The following HNRNPC variants were observed in gnomAD, a reference collection of about 807,000 sequenced individuals.
HNRNPC encodes heterogeneous nuclear ribonucleoproteins C1/C2.
A neutral mutation model predicts 33.2 loss-of-function variants in HNRNPC; 3 were observed. The observed-to-expected ratio is 0.09, with a 90% CI of 0.04 to 0.23. The LOEUF is 0.23. HNRNPC is among the 10% of genes least tolerant of loss of function. HNRNPC has a pLI of 1.00. For missense variants in HNRNPC, 143 were observed against 366.7 expected (o/e 0.39, Z 4.98); for synonymous variants, 121 against 126.7 (o/e 0.96, Z 0.30).
chr14:21,258,628 AAC>A (rs1877641099), intron 2 of HNRNPC, among the ~76,000 whole-genome samples: 5 of 152,332 alleles, frequency 3.3e-5, no homozygotes, highest in East Asian at 3.9e-4. Context: ...TCACAACTTT[AAC>A]AGTGTTGGAC....
At chr14:21,217,166 GA>G (rs1892279442) in intron 5 of HNRNPC, among the ~76,000 whole-genome samples, 1 of 152,204 alleles carries the variant, frequency 6.6e-6, no homozygotes, top group Non-Finnish European at 1.5e-5. Context: ...ATTCACATCT[GA>G]GGAAGTAGTC....
At chr14:21,253,173 TAAAAAA>T (rs544647664) in intron 2 of HNRNPC, among the ~76,000 whole-genome samples, 2 of 118,786 alleles carry the variant, frequency 1.7e-5, no homozygotes, top group African/African-American at 3.1e-5. Context: ...ACTCTGTCTT[TAAAAAA>T]AAAAAAAAAA....
At chr14:21,258,656 G>C (rs960593093) in intron 2 of HNRNPC, among the ~76,000 whole-genome samples, 2 of 152,130 alleles carry the variant, frequency 1.3e-5, no homozygotes, top group African/African-American at 4.8e-5. Flanking sequence ...CAAGTGTTTA[G>C]AATACTTCCA....
intron 2 of HNRNPC, among the ~76,000 whole-genome samples, chr14:21,245,536 A>G (rs1895887682): frequency 6.6e-6 from 1 of 151,736 alleles, no homozygotes; most frequent in African/African-American, 2.4e-5. Flanking sequence ...ATACCTATAT[A>G]AAGCACTTAC....
chr14:21,229,731 T>C (rs183612316), intron 5 of HNRNPC, among the ~76,000 whole-genome samples: 87 of 152,346 alleles, frequency 5.7e-4, no homozygotes, highest in Non-Finnish European at 1.1e-3. Context: ...CAGACTGAAT[T>C]GTTATATACA....
chr14:21,230,466 G>T, intron 4 of HNRNPC, 100 bp from the exon 5 acceptor site: 1 of 780,000 alleles, frequency 1.3e-6, no homozygotes, highest in Non-Finnish European at 2.2e-6. Context: ...ACAACAAATA[G>T]ATCAACAAGA....
chr14:21,252,147 A>G lies in HNRNPC; in HGVS notation c.-37+11164T>C, dbSNP rs529591136. ...TAAGAAAATTTCAAAACCTACCTTT[A>G]GTAAACAACACTTCCAAAATTCCAT... On this transcript the variant is annotated intron_variant, in intron 2 of 8. Transcript: ENST00000553300. Among the ~76,000 whole-genome samples, 4 of 152,346 alleles carry G rather than the reference A, an allele frequency of 2.6e-5. No homozygotes were observed. The South Asian group carries it at 8.3e-4, about 32-fold the overall frequency.
chr14:21,240,184 T>C (rs1895185652), intron 2 of HNRNPC, among the ~76,000 whole-genome samples: 2 of 152,070 alleles, frequency 1.3e-5, no homozygotes, highest in Admixed American at 1.3e-4. Flanking sequence ...GGACAAGAAA[T>C]TTCCTGAATA....
chr14:21,263,517 T>G (rs1261312655), intron 1 of HNRNPC, 181 bp from the exon 2 acceptor site: 1 of 152,022 alleles, frequency 6.6e-6, no homozygotes, highest in East Asian at 1.9e-4. Flanking sequence ...ATCTTAAAAA[T>G]ACACGAGGAA....
At chr14:21,262,088 T>G (rs1878341424) in intron 2 of HNRNPC, among the ~76,000 whole-genome samples, 1 of 152,230 alleles carries the variant, frequency 6.6e-6, no homozygotes, top group East Asian at 1.9e-4. Context: ...TTTCCCTGCT[T>G]TGTGAGGTCA....
At chr14:21,251,465 G>A (rs1266082287) in intron 2 of HNRNPC, among the ~76,000 whole-genome samples, 1 of 151,918 alleles carries the variant, frequency 6.6e-6, no homozygotes, top group African/African-American at 2.4e-5. Flanking sequence ...GATAACTTGA[G>A]GTCAGGAGTT....
At chr14:21,250,583 CAT>C (rs1403775975) in intron 2 of HNRNPC, among the ~76,000 whole-genome samples, 2 of 152,054 alleles carry the variant, frequency 1.3e-5, no homozygotes, top group Non-Finnish European at 2.9e-5. Context: ...TTCAGAACAG[CAT>C]ATGTATCTCC....
At chr14:21,246,658 GA>G (rs949401459) in intron 2 of HNRNPC, among the ~76,000 whole-genome samples, 6 of 151,742 alleles carry the variant, frequency 4.0e-5, no homozygotes, top group African/African-American at 1.5e-4. Flanking sequence ...CCTTGGAAAA[GA>G]AAGGAATAAT....
intron 2 of HNRNPC, chr14:21,236,326 C>T (rs1894693475): frequency 6.6e-6 from 1 of 152,110 alleles, no homozygotes; most frequent in Non-Finnish European, 1.5e-5. Context: ...ATACAAAAAT[C>T]CCAACTTCCA....
chr14:21,231,713 T>G (rs1315760266), intron 3 of HNRNPC, among the ~76,000 whole-genome samples: 3 of 152,150 alleles, frequency 2.0e-5, no homozygotes, highest in Non-Finnish European at 4.4e-5. Context: ...AGACTAACAT[T>G]AAGTCTGTCT....
intron 5 of HNRNPC, among the ~76,000 whole-genome samples, chr14:21,222,444 T>C (rs1892932561): frequency 1.3e-5 from 2 of 151,720 alleles, no homozygotes; most frequent in African/African-American, 4.9e-5. Context: ...AATCGTACAA[T>C]GTGTGTCTTG....
intron 2 of HNRNPC, among the ~76,000 whole-genome samples, chr14:21,257,960 T>G (rs558758152): frequency 2.1e-4 from 32 of 152,174 alleles, no homozygotes; most frequent in Non-Finnish European, 4.4e-4. Flanking sequence ...ATTAACTACC[T>G]TGCACATATA....
chr14:21,250,080 T>C (rs1005162025), intron 2 of HNRNPC, among the ~76,000 whole-genome samples: 1 of 152,044 alleles, frequency 6.6e-6, no homozygotes, highest in Non-Finnish European at 1.5e-5. Flanking sequence ...ACCTGTATAC[T>C]AAATTCATTA....
At chr14:21,256,386 T>C (rs752268591) in intron 2 of HNRNPC, among the ~76,000 whole-genome samples, 9 of 151,482 alleles carry the variant, frequency 5.9e-5, no homozygotes, top group Non-Finnish European at 1.2e-4. Flanking sequence ...GAGGCAGAGG[T>C]TGCGGTGAGC....
Sources: allele counts gnomAD v4.1 joint callset (sites outside exome capture counted in the v4.1 genomes callset), GRCh38; gene constraint gnomAD v4.1.1; transcripts MANE v1.5; gene names NCBI Gene and HGNC (gene_info 2026-07-23, HGNC 2026-07-21).